The following TGFB3 variants were observed in gnomAD, a reference collection of about 807,000 sequenced individuals.
TGFB3 encodes the protein transforming growth factor beta-3 proprotein.
Under a neutral mutation model 40.1 loss-of-function variants are expected in TGFB3, and 5 were observed. That is an observed-to-expected ratio of 0.12 (90% CI 0.07 to 0.26). The LOEUF (loss-of-function observed/expected upper bound fraction) is 0.26. Ranked by LOEUF, TGFB3 falls within the 10% of genes least tolerant of loss-of-function variation. The pLI is 1.00. For missense variants in TGFB3, 373 were observed against 530.1 expected, an observed-to-expected ratio of 0.70 and a Z score of 2.91; for synonymous variants, 184 against 205.6, an observed-to-expected ratio of 0.89 and a Z score of 0.90.
intron 3 of TGFB3, chr14:75,965,962 A>G (rs1049188070): frequency 2.5e-5 from 12 of 488,116 alleles, no homozygotes; most frequent in African/African-American, 2.3e-4. Context: ...CAGAAGTGGA[A>G]TAATCATTCC....
At chr14:75,960,884 C>T (rs1476810787) in intron 6 of TGFB3, 39 bp downstream of exon 6, 1 of 1,613,694 alleles carries the variant, frequency 6.2e-7, no homozygotes, top group Non-Finnish European at 8.5e-7. Context: ...TCTGGTCGGT[C>T]AGCCCCAGTG....
At chr14:75,972,950 T>G (rs2035311378) in intron 1 of TGFB3, among the ~76,000 whole-genome samples, 1 of 152,174 alleles carries the variant, frequency 6.6e-6, no homozygotes, top group Admixed American at 6.5e-5. Flanking sequence ...TGACAGCACG[T>G]GCTATGCCAG....
upstream of TGFB3, among the ~76,000 whole-genome samples, chr14:75,982,453 A>G (rs369477964): frequency 1.2e-3 from 189 of 152,222 alleles, 6 homozygotes; most frequent in South Asian, 0.037. The surrounding 1 kb of genome is among the most constrained non-coding windows in gnomAD (Gnocchi z 4.0). Flanking sequence ...GGGGACTCCC[A>G]GCCTGCGAGC....
chr14:75,962,863 G>A (rs980689769), intron 5 of TGFB3, among the ~76,000 whole-genome samples: 3 of 152,250 alleles, frequency 2.0e-5, no homozygotes, highest in Admixed American at 6.5e-5. Flanking sequence ...CCAACTTTCC[G>A]TTCAAATGGA....
rs200072639 is a variant in TGFB3 at position 75,973,498 on chromosome 14, A to C, written c.353-1780T>G. Among the ~76,000 whole-genome samples the C allele has an allele frequency of 3.9e-5, 6 of 152,390 alleles. No homozygotes were observed. The East Asian group carries it at 1.2e-3, about 29-fold the overall frequency. On this transcript the variant is annotated intron_variant, in intron 1 of 6. Transcript: ENST00000238682. ...AACCATTTCAGATAGAACCAAGGAGAGAAATCAGTGATAGTTAAGTAATGT... is the reference window on the plus strand; with the variant it reads ...AACCATTTCAGATAGAACCAAGGAGCGAAATCAGTGATAGTTAAGTAATGT...
In TGFB3 at chr14:75,971,445, AG is replaced by A; in HGVS notation, c.516+109del. 1 of 1,550,420 alleles carries A rather than the reference AG, an allele frequency of 6.4e-7. No individual in the cohort carries two copies. The highest frequency in any genetic ancestry group is 1.4e-5 in the African/African-American group (1 of 73,450). ...AGATACGGAAACGAAGGCTCAGAGA[AG>A]CCAGGATTCAAACCCAGGTCTGCCA... On this transcript the variant is annotated intron_variant, in intron 2 of 6. Coordinates refer to ENST00000238682, the MANE Select transcript of TGFB3 (RefSeq NM_003239.5). The surrounding 1 kb of genome is among the most constrained non-coding windows in gnomAD (Gnocchi z 4.5).
At chr14:75,977,015 C>T (rs1222663571) in intron 1 of TGFB3, among the ~76,000 whole-genome samples, 2 of 152,224 alleles carry the variant, frequency 1.3e-5, no homozygotes, top group African/African-American at 2.4e-5. Flanking sequence ...ACATTTACCT[C>T]CAGCTTCCTC....
intron 5 of TGFB3, 69 bp downstream of exon 5, chr14:75,963,247 G>A: frequency 1.3e-6 from 2 of 1,589,156 alleles, no homozygotes; most frequent in Non-Finnish European, 1.7e-6. Context: ...GCTTGGCTCT[G>A]GGGCCTGACC....
chr14:75,979,152 C>T lies in TGFB3; in HGVS notation c.352+1390G>A, dbSNP rs1396439279. Among the ~76,000 whole-genome samples, 1 of 152,142 alleles carries T rather than the reference C, an allele frequency of 6.6e-6. No homozygotes were observed. Among genetic ancestry groups the T allele is most frequent in the Non-Finnish European group, 1.5e-5 (1 of 68,006 alleles). On this transcript the variant is annotated intron_variant, in intron 1 of 6. Transcript: ENST00000238682. The surrounding 1 kb of genome is among the most constrained non-coding windows in gnomAD (Gnocchi z 4.8). The stretch of plus-strand genomic sequence containing the variant: ...CAGCCACATCCTGAAGAAAGGCGCT[C>T]CAGGCAGCCACAGGAAGCTGGAGCG...
intron 6 of TGFB3, among the ~76,000 whole-genome samples, chr14:75,959,965 CAG>C (rs1328943643): frequency 4.7e-5 from 3 of 63,866 alleles, no homozygotes; most frequent in African/African-American, 6.1e-5. Context: ...TTTTTTGAGT[CAG>C]AGTCTCACTC....
At position 75,971,184 on chromosome 14, in the gene TGFB3, A is replaced by G; in HGVS notation, c.588T>C (p.Thr196=). 1 of 1,614,204 alleles carries G rather than the reference A, an allele frequency of 6.2e-7. No homozygotes were observed. Among genetic ancestry groups the G allele is most frequent in the Non-Finnish European group, 8.5e-7 (1 of 1,180,042 alleles). The change falls in exon 3 of 7, where the codon ACT becomes ACC. Residue 196 remains threonine, a synonymous_variant. Transcript: ENST00000238682. This position sits in a 1 kb window ranked among gnomAD's most constrained non-coding sequence, Gnocchi z 4.5. Reference sequence around the variant, plus strand: ...TGACATCAAAGGACAGCCACTCGGCAGTGCCCCGTGTGGGCAGATTCTTGC... The same window carrying G: ...TGACATCAAAGGACAGCCACTCGGCGGTGCCCCGTGTGGGCAGATTCTTGC... ...IGGKNLPTRG[T]AEWLSFDVTD...
chr14:75,963,641 C>T (rs556458780), intron 4 of TGFB3, among the ~76,000 whole-genome samples, 154 bp from the exon 5 acceptor site: 14 of 152,144 alleles, frequency 9.2e-5, no homozygotes, highest in Non-Finnish European at 2.1e-4. Context: ...TTCTGATGTC[C>T]AGGTGCAGAA....
Position 75,959,040 on chromosome 14 carries a change from G to A in TGFB3, c.*147C>T. ...CCAGCAAGAAAGAAATGTTCCAAAA[G>A]GAAACCTCCATCTCAGCCATTTGCC... On this transcript the variant is annotated 3_prime_UTR_variant, in exon 7 of 7. Transcript: ENST00000238682. The A allele has an allele frequency of 7.4e-6, 7 of 944,198 alleles. No individual in the cohort carries two copies. Among genetic ancestry groups the A allele is most frequent in the Non-Finnish European group, 1.2e-5 (7 of 592,906 alleles). 58.5% of individuals were successfully genotyped at this position (944,198 alleles called of 1,614,324 possible).
chr14:75,980,776 C>A lies in TGFB3; in HGVS notation c.118G>T (p.Val40Leu), dbSNP rs1262921400. 1 of 1,614,164 alleles carries A rather than the reference C, an allele frequency of 6.2e-7. No homozygotes were observed. Among genetic ancestry groups the A allele is most frequent in the Non-Finnish European group, 8.5e-7 (1 of 1,180,030 alleles). The change falls in exon 1 of 7, where the codon GTG (valine) becomes TTG (leucine). Residue 40 changes from valine to leucine, a missense_variant. Val to Leu is a conservative substitution (Grantham distance 32, BLOSUM62 1). Coordinates refer to ENST00000238682, the MANE Select transcript of TGFB3 (RefSeq NM_003239.5). This position sits in a 1 kb window ranked among gnomAD's most constrained non-coding sequence, Gnocchi z 4.3. ...AAGATCTGTCCCCTAATGGCTTCCA[C>A]CCTCTTCTTCTTGATGTGGCCGAAG... ...LDFGHIKKKR[V>L]EAIRGQILSK...
At chr14:75,959,614 C>G (rs1356317114) in intron 6 of TGFB3, among the ~76,000 whole-genome samples, 1 of 151,796 alleles carries the variant, frequency 6.6e-6, no homozygotes, top group Non-Finnish European at 1.5e-5. Context: ...ACTAAAAATA[C>G]AAAAAAATTA....
At position 75,980,808 on chromosome 14, in the gene TGFB3, G is replaced by A; in HGVS notation, c.86C>T (p.Thr29Ile). The A allele has an allele frequency of 6.2e-7, 1 of 1,614,184 alleles. No individual in the cohort carries two copies. Among genetic ancestry groups the A allele is most frequent in the Non-Finnish European group, 8.5e-7 (1 of 1,180,036 alleles). ...CTTCTTGATGTGGCCGAAGTCCAAG[G>A]TGGTGCAAGTGGACAGAGAGAGGCT... Reference protein sequence around the residue: ...TVSLSLSTCTTLDFGHIKKKR... With the variant: ...TVSLSLSTCTILDFGHIKKKR... Residue 29 changes from threonine to isoleucine, a missense_variant, in exon 1 of 7, where the codon ACC (threonine) becomes ATC (isoleucine). By Grantham distance (89) the Thr-to-Ile change is moderately conservative. Coordinates refer to ENST00000238682, the MANE Select transcript of TGFB3 (RefSeq NM_003239.5). This position sits in a 1 kb window ranked among gnomAD's most constrained non-coding sequence, Gnocchi z 4.3.
chr14:75,970,026 T>C (rs574827709), intron 3 of TGFB3, among the ~76,000 whole-genome samples: 24 of 152,300 alleles, frequency 1.6e-4, no homozygotes, highest in Non-Finnish European at 2.9e-4. Flanking sequence ...TTTAAAGATG[T>C]CAATCAAATC....
At chr14:75,963,026 C>T in intron 5 of TGFB3, 1 of 518,270 alleles carries the variant, frequency 1.9e-6, no homozygotes, top group Non-Finnish European at 3.5e-6. Flanking sequence ...TTGACCAAGC[C>T]TCTCCAATCC....
chr14:75,964,308 GA>G (rs1387955143), intron 4 of TGFB3, among the ~76,000 whole-genome samples: 1 of 152,168 alleles, frequency 6.6e-6, no homozygotes, highest in Admixed American at 6.5e-5. Context: ...GCCTGAATGG[GA>G]GCCAAAGAAA....
Sources: gnomAD v4.1 joint callset for allele counts (sites outside exome capture counted in the v4.1 genomes callset) on GRCh38, gnomAD v4.1.1 for gene constraint, Gnocchi (gnomAD v3.1) non-coding constraint, MANE v1.5 for transcripts, NCBI Gene and HGNC (gene_info 2026-07-23, HGNC 2026-07-21) for gene names.